Variants in SLC1A5 observed in about 807,000 individuals in gnomAD.
SLC1A5 encodes solute carrier family 1 member 5.
SLC1A5 carries 25 observed loss-of-function variants against 34.9 expected under a neutral mutation model. That is an observed-to-expected ratio of 0.72 (90% CI 0.52 to 1.00). SLC1A5 has a LOEUF of 1.00. Among genes scored for constraint, SLC1A5 ranks in the 50% least tolerant of loss-of-function variants. SLC1A5 has a pLI of 0.00. For synonymous variants in SLC1A5, 351 were observed against 341.2 expected (o/e 1.03, Z -0.32); for missense variants, 637 against 740.0 (o/e 0.86, Z 1.61).
At position 46,777,240 on chromosome 19, in the gene SLC1A5, G is replaced by A. The variant is rs1456376595; in HGVS notation, c.1224C>T (p.Ser408=). ...AVFIAQLSQQ[S]LDFVKIITIL... Reference sequence around the variant, plus strand: ...TGGTGATGATCTTTACGAAGTCCAAGGACTGCTGGCTGAGCTGTGCAATGA... The same window carrying A: ...TGGTGATGATCTTTACGAAGTCCAAAGACTGCTGGCTGAGCTGTGCAATGA... The change falls in exon 6 of 8, where the codon TCC becomes TCT. Residue 408 remains serine, a synonymous_variant. Coordinates refer to ENST00000542575, the MANE Select transcript of SLC1A5 (RefSeq NM_005628.3). 1.2e-6 allele frequency: 2 copies of A among 1,608,882 alleles called. No individual in the cohort carries two copies. Among genetic ancestry groups the A allele is most frequent in the East Asian group, 4.5e-5 (2 of 44,768 alleles).
chr19:46,784,721 C>G, intron 1 of SLC1A5, 162 bp from the exon 2 acceptor site: 2 of 1,524,078 alleles, frequency 1.3e-6, no homozygotes, highest in African/African-American at 1.4e-5. Flanking sequence ...AGGGTTGGAA[C>G]TAGGCTTGCA....
intron 4 of SLC1A5, among the ~76,000 whole-genome samples, chr19:46,780,171 A>G (rs1158106343): frequency 6.6e-6 from 1 of 151,534 alleles, no homozygotes; most frequent in African/African-American, 2.4e-5. Context: ...CTTAAACAAC[A>G]ACAACAAAAA....
intron 4 of SLC1A5, 37 bp downstream of exon 4, chr19:46,782,346 A>AACCCCACCCCC: frequency 3.5e-6 from 2 of 567,986 alleles, no homozygotes; most frequent in South Asian, 3.6e-5. Context: ...CGACCCTCCA[A>AACCCCACCCCC]CCCCACCCAC....
chr19:46,787,547 A>T lies in SLC1A5; in HGVS notation c.419T>A (p.Leu140Gln). ...GCCCACTCCGAGCGCCGACGCCAGC[A>T]GCGTGGTGACCAGGAAAAAGAGCAG... Reference protein sequence around the residue: ...WALLFFLVTTLLASALGVGLA... With the variant: ...WALLFFLVTTQLASALGVGLA... The change falls in exon 1 of 8, where the codon CTG (leucine) becomes CAG (glutamine). Residue 140 changes from leucine to glutamine, a missense_variant. Physicochemically the swap from Leu to Gln is moderately radical, Grantham distance 113. Coordinates refer to ENST00000542575, the MANE Select transcript of SLC1A5 (RefSeq NM_005628.3). This position sits in a 1 kb window ranked among gnomAD's most constrained non-coding sequence, Gnocchi z 5.2. 6.4e-7 allele frequency: 1 copy of T among 1,572,690 alleles called. No homozygotes were observed. The highest frequency in any genetic ancestry group is 8.6e-7 in the Non-Finnish European group (1 of 1,160,374).
intron 5 of SLC1A5, among the ~76,000 whole-genome samples, chr19:46,777,646 C>T (rs1278605311): frequency 4.9e-5 from 7 of 144,076 alleles, no homozygotes; most frequent in Non-Finnish European, 9.2e-5. Flanking sequence ...CCCACCCACA[C>T]CACCTGCCCA....
Position 46,775,683 on chromosome 19 carries a change from A to G in SLC1A5, c.1453T>C (p.Tyr485His), listed in dbSNP as rs1214508572. 2 of 1,613,860 alleles carry G rather than the reference A, an allele frequency of 1.2e-6. No individual in the cohort carries two copies. The highest frequency in any genetic ancestry group is 1.3e-5 in the African/African-American group (1 of 74,878). ...CTTCTCGACTCCGTACGGTCCACGT[A>G]ATTTTGGAGGAGTCCTGCCCCCAGA... ...DALGAGLLQN[Y>H]VDRTESRSTE... The change falls in exon 8 of 8, where the codon TAC (tyrosine) becomes CAC (histidine). Residue 485 changes from tyrosine to histidine, a missense_variant. Physicochemically the swap from Tyr to His is moderately conservative, Grantham distance 83. Transcript: ENST00000542575.
In SLC1A5 at chr19:46,788,119, G is replaced by C; in HGVS notation, c.-154C>G. 1 of 668,614 alleles carries C rather than the reference G, an allele frequency of 1.5e-6. No homozygotes were observed. Among genetic ancestry groups the C allele is most frequent in the Middle Eastern group, 2.6e-4 (1 of 3,920 alleles). 41.4% of individuals were successfully genotyped at this position (668,614 alleles called of 1,614,324 possible). On this transcript the variant is annotated 5_prime_UTR_variant, in exon 1 of 8. Transcript: ENST00000542575. The stretch of plus-strand genomic sequence containing the variant: ...CTTAGAGTTGTGAGTTCACAGCACT[G>C]AAGTTCCTTGGCTCTTGGAAGCTGG...
At chr19:46,785,967 C>T (rs377296450) in intron 1 of SLC1A5, among the ~76,000 whole-genome samples, 2 of 150,050 alleles carry the variant, frequency 1.3e-5, no homozygotes, top group African/African-American at 2.5e-5. Flanking sequence ...GGCTGAGGCA[C>T]GAGAATCACT....
In SLC1A5 at chr19:46,787,103, C is replaced by T; in HGVS notation, c.566+297G>A. On this transcript the variant is annotated intron_variant, in intron 1 of 7. Coordinates refer to ENST00000542575, the MANE Select transcript of SLC1A5 (RefSeq NM_005628.3). The surrounding 1 kb of genome is among the most constrained non-coding windows in gnomAD (Gnocchi z 5.2). ...CCGCAAAAGTTCCTCCTGGGGTCCC[C>T]TCCCCTCAGTGTCTTTCTCCCCTAG... 3.1e-6 allele frequency: 2 copies of T among 641,538 alleles called. No individual in the cohort carries two copies. Among genetic ancestry groups the T allele is most frequent in the Non-Finnish European group, 4.5e-6 (2 of 448,466 alleles). The allele number at this position is 641,538 out of a possible 1,614,324, so 39.7% of individuals were successfully genotyped here.
intron 1 of SLC1A5, 137 bp from the exon 2 acceptor site, chr19:46,784,696 A>G (rs748374392): frequency 1.3e-6 from 2 of 1,576,222 alleles, no homozygotes; most frequent in Non-Finnish European, 1.7e-6. Flanking sequence ...GCCCCTACTC[A>G]TGCCTCAGCC....
At chr19:46,782,347 C>CCCCCCCCCCCCCCCCCCCCCACA in intron 4 of SLC1A5, 36 bp downstream of exon 4, 1 of 297,836 alleles carries the variant, frequency 3.4e-6, no homozygotes, top group South Asian at 3.2e-5. Context: ...GACCCTCCAA[C>CCCCCCCCCCCCCCCCCCCCCACA]CCCACCCACC....
chr19:46,782,157 T>G (rs901715669), intron 4 of SLC1A5, among the ~76,000 whole-genome samples: 1 of 152,088 alleles, frequency 6.6e-6, no homozygotes, highest in African/African-American at 2.4e-5. Flanking sequence ...CCTCCCAAAG[T>G]GCCGTTCCCA....
Position 46,784,135 on chromosome 19 carries a change from T to C in SLC1A5, c.619A>G (p.Thr207Ala), listed in dbSNP as rs2055168729. ...VSAAFRSYST[T>A]YEERNITGTR... ...CCGGTGATATTCCTCTCTTCATAGG[T>C]GGTAGAGTACTGTAGGTGGGGTTGG... Residue 207 changes from threonine (T) to alanine (A), a missense_variant, in exon 3 of 8, where the codon ACC (threonine) becomes GCC (alanine). By Grantham distance (58) the Thr-to-Ala change is moderately conservative (BLOSUM62 0). Coordinates refer to ENST00000542575, the MANE Select transcript of SLC1A5 (RefSeq NM_005628.3). The C allele has an allele frequency of 1.9e-6, 3 of 1,613,082 alleles. No homozygotes were observed. The African/African-American group carries it at 4.0e-5, about 22-fold the overall frequency.
In SLC1A5 at chr19:46,784,967, G is replaced by A. The variant is rs147428515; in HGVS notation, c.567-408C>T. On this transcript the variant is annotated intron_variant, in intron 1 of 7. Transcript: ENST00000542575. ...CTCTGAGAGTATGGGGGAGGATCTG[G>A]GTGTGTTGGGAGGCGGTGGCGGGGA... The A allele has an allele frequency of 3.1e-6, 3 of 972,110 alleles. No individual in the cohort carries two copies. The African/African-American group carries it at 5.0e-5, about 16-fold the overall frequency. 60.2% of individuals were successfully genotyped at this position (972,110 alleles called of 1,614,324 possible).
At chr19:46,778,945 C>G in intron 4 of SLC1A5, 37 bp from the exon 5 acceptor site, 1 of 1,476,578 alleles carries the variant, frequency 6.8e-7, no homozygotes, top group Non-Finnish European at 9.2e-7. Context: ...GTTGCCTCTT[C>G]CACGGGCCCA....
chr19:46,777,509 G>T, intron 5 of SLC1A5, 104 bp from the exon 6 acceptor site: 2 of 1,103,310 alleles, frequency 1.8e-6, no homozygotes, highest in Non-Finnish European at 2.5e-6. Flanking sequence ...ACCCCAACCA[G>T]CCAAAGCCCC....
At chr19:46,776,072 C>T (rs1231649538) in intron 7 of SLC1A5, among the ~76,000 whole-genome samples, 3 of 151,848 alleles carry the variant, frequency 2.0e-5, no homozygotes, top group South Asian at 2.1e-4. Flanking sequence ...GGTGACAGAG[C>T]CAGACTGTGT....
intron 2 of SLC1A5, 100 bp downstream of exon 2, chr19:46,784,416 AT>A: frequency 7.4e-7 from 1 of 1,342,410 alleles, no homozygotes; most frequent in Non-Finnish European, 1.1e-6. Context: ...ATTGACATGC[AT>A]TTTTCCAGGA....
chr19:46,787,272 T>C lies in SLC1A5; in HGVS notation c.566+128A>G. Reference sequence around the variant, plus strand: ...GGGCTGGAGCCTCCCCTCAATATCCTGTCGAGTTTTCCTAAGACTCTAGAG... The same window carrying C: ...GGGCTGGAGCCTCCCCTCAATATCCCGTCGAGTTTTCCTAAGACTCTAGAG... On this transcript the variant is annotated intron_variant, in intron 1 of 7. Coordinates refer to ENST00000542575, the MANE Select transcript of SLC1A5 (RefSeq NM_005628.3). The surrounding 1 kb of genome is among the most constrained non-coding windows in gnomAD (Gnocchi z 5.2). 1 of 1,461,876 alleles carries C rather than the reference T, an allele frequency of 6.8e-7. No homozygotes were observed. The highest frequency in any genetic ancestry group is 2.6e-5 in the East Asian group (1 of 38,842). The allele number at this position is 1,461,876 out of a possible 1,614,324, so 90.6% of individuals were successfully genotyped here.
Sources: allele counts gnomAD v4.1 joint callset (sites outside exome capture counted in the v4.1 genomes callset), GRCh38; gene constraint gnomAD v4.1.1; non-coding constraint Gnocchi (gnomAD v3.1); transcripts MANE v1.5; gene names NCBI Gene and HGNC (gene_info 2026-07-23, HGNC 2026-07-21).